GNG12: variants seen among roughly 807,000 people sequenced by gnomAD.
The protein encoded by GNG12 is guanine nucleotide-binding protein G(I)/G(S)/G(O) subunit gamma-12.
For synonymous variants in GNG12, 28 were observed against 29.7 expected (o/e 0.94, Z 0.19); for missense variants, 69 against 83.8 (o/e 0.82, Z 0.69).
At chr1:67,831,381 G>GT (rs1344559659) in intron 1 of GNG12, among the ~76,000 whole-genome samples, 2 of 152,182 alleles carry the variant, frequency 1.3e-5, no homozygotes, top group African/African-American at 4.8e-5. Context: ...GAGCTTTCAA[G>GT]TAAGACTGGA....
chr1:67,784,730 G>C (rs1376185997), intron 1 of GNG12, among the ~76,000 whole-genome samples: 1 of 152,170 alleles, frequency 6.6e-6, no homozygotes, highest in Non-Finnish European at 1.5e-5. Flanking sequence ...GCTACAAATA[G>C]ATTCCCAAAA....
intron 1 of GNG12, among the ~76,000 whole-genome samples, 160 bp downstream of exon 1, chr1:67,833,184 T>A (rs1570586038): frequency 7.6e-6 from 1 of 131,500 alleles, no homozygotes; most frequent in Non-Finnish European, 1.6e-5. Flanking sequence ...AGCAGGACAC[T>A]CTTCCCTCCT....
chr1:67,766,140 A>ACACACACACC (rs1176080198), intron 2 of GNG12, among the ~76,000 whole-genome samples: 1 of 114,992 alleles, frequency 8.7e-6, no homozygotes, highest in Non-Finnish European at 1.9e-5. Context: ...ACACACACAC[A>ACACACACACC]CACACACACC....
intron 1 of GNG12, among the ~76,000 whole-genome samples, chr1:67,827,511 T>C (rs761159559): frequency 2.0e-4 from 31 of 152,058 alleles, no homozygotes; most frequent in Admixed American, 2.0e-4. Flanking sequence ...CTGCAAGCTC[T>C]GCCTCCCAGG....
In GNG12 at chr1:67,833,438, T is replaced by A. The variant is rs1356661285; in HGVS notation, c.-171A>T. On this transcript the variant is annotated 5_prime_UTR_variant, in exon 1 of 4. Coordinates refer to ENST00000370982, the MANE Select transcript of GNG12 (RefSeq NM_018841.6). The stretch of plus-strand genomic sequence containing the variant: ...CGACCTCTCCTCCTCCTCCTCCTCT[T>A]GCTCCTCCGGGCGCCGGCTCCGCCT... 1.2e-5 allele frequency: 12 copies of A among 984,928 alleles called. No individual in the cohort carries two copies. The highest frequency in any genetic ancestry group is 1.4e-5 in the Non-Finnish European group (12 of 830,040). 61.0% of individuals were successfully genotyped at this position (984,928 alleles called of 1,614,324 possible). A position where few individuals can be genotyped will look rare whatever the true frequency, so the allele number is the denominator to read the frequency against.
intron 1 of GNG12, among the ~76,000 whole-genome samples, chr1:67,791,689 C>T (rs1646802536): frequency 6.6e-6 from 1 of 152,194 alleles, no homozygotes; most frequent in Non-Finnish European, 1.5e-5. Flanking sequence ...ATCTCCTCTG[C>T]TCCCATCTGG....
At chr1:67,725,573 C>G (rs575948408) in intron 2 of GNG12, among the ~76,000 whole-genome samples, 53 of 152,338 alleles carry the variant, frequency 3.5e-4, no homozygotes, top group African/African-American at 1.3e-3. Flanking sequence ...CAACTTCTGA[C>G]AGTTCTAACT....
intron 1 of GNG12, among the ~76,000 whole-genome samples, chr1:67,831,500 T>C: frequency 6.6e-6 from 1 of 152,212 alleles, no homozygotes; most frequent in East Asian, 1.9e-4. Context: ...TGTGCCCTGT[T>C]GGGGGTTCGA....
intron 2 of GNG12, among the ~76,000 whole-genome samples, chr1:67,710,167 TATATATATATAG>T: frequency 4.0e-5 from 1 of 25,118 alleles, no homozygotes; most frequent in African/African-American, 1.5e-4. Context: ...TATATATAGT[TATATATATATAG>T]TTATATATAT....
intron 2 of GNG12, among the ~76,000 whole-genome samples, chr1:67,756,663 A>G (rs539441133): frequency 7.2e-5 from 11 of 152,246 alleles, no homozygotes; most frequent in African/African-American, 2.4e-4. Context: ...CCGCCTCCTC[A>G]TTTACCACAT....
At chr1:67,724,257 A>G (rs898122213) in intron 2 of GNG12, among the ~76,000 whole-genome samples, 8 of 152,204 alleles carry the variant, frequency 5.3e-5, no homozygotes, top group Non-Finnish European at 1.2e-4. Flanking sequence ...TGGTCAAAAG[A>G]GGAGCTGATA....
intron 1 of GNG12, among the ~76,000 whole-genome samples, chr1:67,828,777 A>T (rs1212849062): frequency 4.6e-5 from 7 of 152,198 alleles, no homozygotes; most frequent in South Asian, 2.1e-4. Flanking sequence ...TGCAGATCCT[A>T]AAAACCCACT....
intron 1 of GNG12, among the ~76,000 whole-genome samples, chr1:67,801,778 T>C (rs1024617044): frequency 1.3e-5 from 2 of 152,174 alleles, no homozygotes; most frequent in Non-Finnish European, 2.9e-5. Context: ...ATTATTACGT[T>C]CCGTATCTGC....
chr1:67,790,561 C>T (rs1475919824), intron 1 of GNG12, among the ~76,000 whole-genome samples: 1 of 151,716 alleles, frequency 6.6e-6, no homozygotes, highest in African/African-American at 2.4e-5. Context: ...GTATCTGCAT[C>T]GACAACTTGA....
chr1:67,782,101 T>C (rs1006983223), intron 1 of GNG12, among the ~76,000 whole-genome samples: 3 of 152,146 alleles, frequency 2.0e-5, no homozygotes, highest in Non-Finnish European at 2.9e-5. Flanking sequence ...TATGATGTTA[T>C]CTCAAAAGGC....
chr1:67,745,174 T>C (rs17531704), intron 2 of GNG12, among the ~76,000 whole-genome samples: 3,515 of 152,334 alleles, frequency 0.023, 67 homozygotes, highest in Admixed American at 0.032. Context: ...TGGGTACTTA[T>C]ACACAGACGA....
chr1:67,707,118 T>C (rs1462759810), intron 3 of GNG12, among the ~76,000 whole-genome samples: 2 of 152,184 alleles, frequency 1.3e-5, no homozygotes, highest in Admixed American at 6.5e-5. Context: ...GCATTATTAC[T>C]CTGGGCACAG....
chr1:67,754,777 A>T (rs1001499039), intron 2 of GNG12, among the ~76,000 whole-genome samples: 2 of 151,870 alleles, frequency 1.3e-5, no homozygotes, highest in African/African-American at 4.8e-5. Context: ...ATTAGAGGCC[A>T]CTCCGTGAGG....
chr1:67,707,970 T>C (rs183019249), intron 2 of GNG12, among the ~76,000 whole-genome samples: 191 of 152,278 alleles, frequency 1.3e-3, no homozygotes, highest in African/African-American at 4.5e-3. Flanking sequence ...CCCCAACATA[T>C]AACACAAAAC....
Sources: gnomAD v4.1 joint callset for allele counts (sites outside exome capture counted in the v4.1 genomes callset) on GRCh38, gnomAD v4.1.1 for gene constraint, MANE v1.5 for transcripts, NCBI Gene and HGNC (gene_info 2026-07-23, HGNC 2026-07-21) for gene names.